The following SYN3 variants were observed in gnomAD, a reference collection of about 807,000 sequenced individuals.
The protein encoded by SYN3 is synapsin-3.
Under a neutral mutation model 65.8 loss-of-function variants are expected in SYN3, and 35 were observed. The ratio of observed to expected loss-of-function variants is 0.53; its 90% CI spans 0.41 to 0.70. The LOEUF (loss-of-function observed/expected upper bound fraction) is 0.70. Ranked by LOEUF, SYN3 falls within the 30% of genes least tolerant of loss-of-function variation. The pLI is 0.00. For missense variants in SYN3, 680 were observed against 749.0 expected, an observed-to-expected ratio of 0.91 and a Z score of 1.08; for synonymous variants, 270 against 292.9, an observed-to-expected ratio of 0.92 and a Z score of 0.80.
At chr22:32,531,364 G>T (rs2058068611) in intron 10 of SYN3, among the ~76,000 whole-genome samples, 1 of 151,744 alleles carries the variant, frequency 6.6e-6, no homozygotes, top group South Asian at 2.1e-4. Context: ...CTCTCCCCCT[G>T]CCCCTGCCAA....
intron 6 of SYN3, among the ~76,000 whole-genome samples, chr22:32,719,893 G>C (rs13058500): frequency 0.21 from 31,979 of 152,074 alleles, 4,292 homozygotes; most frequent in East Asian, 0.6. Flanking sequence ...TATTGAATGA[G>C]GGAAATAGTC....
At chr22:32,534,925 A>G (rs2058138560) in intron 9 of SYN3, among the ~76,000 whole-genome samples, 1 of 152,164 alleles carries the variant, frequency 6.6e-6, no homozygotes, top group East Asian at 1.9e-4. Context: ...CTCCCAGTCC[A>G]GTTTTCTCAT....
chr22:32,538,177 T>C, intron 8 of SYN3, 67 bp from the exon 9 acceptor site: 1 of 1,462,336 alleles, frequency 6.8e-7, no homozygotes, highest in Non-Finnish European at 9.6e-7. Context: ...TTTCCTTCTT[T>C]GCTTTGGCTG....
chr22:32,812,073 C>G (rs2046930567), intron 6 of SYN3, among the ~76,000 whole-genome samples: 1 of 152,158 alleles, frequency 6.6e-6, no homozygotes, highest in Non-Finnish European at 1.5e-5. Flanking sequence ...CTGGAGTCCC[C>G]TTGGTGATAC....
At chr22:32,950,298 A>G (rs2051251372) in intron 3 of SYN3, among the ~76,000 whole-genome samples, 1 of 152,174 alleles carries the variant, frequency 6.6e-6, no homozygotes, top group Non-Finnish European at 1.5e-5. Flanking sequence ...TTCTTACTGC[A>G]TCTCATAAAG....
At chr22:32,693,256 G>A (rs1226245805) in intron 6 of SYN3, among the ~76,000 whole-genome samples, 2 of 152,170 alleles carry the variant, frequency 1.3e-5, no homozygotes, top group Non-Finnish European at 2.9e-5. Flanking sequence ...ATCAAGCCCC[G>A]TGACACCACC....
chr22:32,806,950 G>A (rs1456467720), intron 6 of SYN3, among the ~76,000 whole-genome samples: 3 of 151,952 alleles, frequency 2.0e-5, no homozygotes, highest in Admixed American at 2.0e-4. Context: ...AACATGAATA[G>A]TAGAACATTA....
At chr22:32,711,977 A>C (rs2147251885) in intron 6 of SYN3, among the ~76,000 whole-genome samples, 1 of 152,308 alleles carries the variant, frequency 6.6e-6, no homozygotes. Context: ...GCTTTCCAGC[A>C]CTGACTCTGG....
chr22:32,628,828 C>T (rs149307297), intron 6 of SYN3, among the ~76,000 whole-genome samples: 1,641 of 152,068 alleles, frequency 0.011, 15 homozygotes, highest in Non-Finnish European at 0.018. Context: ...CTGTGCTGGC[C>T]GCTGGTCATG....
chr22:32,543,078 G>C (rs752054479), intron 7 of SYN3, among the ~76,000 whole-genome samples: 6 of 152,118 alleles, frequency 3.9e-5, no homozygotes, highest in Non-Finnish European at 8.8e-5. Flanking sequence ...ACGTCCTTCC[G>C]ATCTTCCTCT....
chr22:32,833,650 A>G (rs1255709818), intron 6 of SYN3, among the ~76,000 whole-genome samples: 1 of 152,204 alleles, frequency 6.6e-6, no homozygotes, highest in African/African-American at 2.4e-5. Context: ...TAGGACCCAG[A>G]GATGAGAAGT....
chr22:32,709,150 C>CG (rs2060921399), intron 6 of SYN3, among the ~76,000 whole-genome samples: 4 of 152,156 alleles, frequency 2.6e-5, no homozygotes, highest in African/African-American at 9.7e-5. Flanking sequence ...GTTCTGTGCC[C>CG]GGGGGAAAAT....
chr22:32,529,427 C>T (rs2058034661), intron 10 of SYN3, among the ~76,000 whole-genome samples: 1 of 152,134 alleles, frequency 6.6e-6, no homozygotes, highest in African/African-American at 2.4e-5. Flanking sequence ...GGGGCTTGAT[C>T]ATGACAAAAA....
intron 6 of SYN3, among the ~76,000 whole-genome samples, chr22:32,736,417 G>A (rs902737465): frequency 5.3e-5 from 8 of 152,176 alleles, no homozygotes; most frequent in Admixed American, 1.3e-4. Flanking sequence ...TGTATCAACA[G>A]TTTGTCCTCT....
chr22:32,814,260 AGAGG>A (rs1299995088), intron 6 of SYN3, among the ~76,000 whole-genome samples: 16 of 137,286 alleles, frequency 1.2e-4, no homozygotes, highest in African/African-American at 3.4e-4. Flanking sequence ...AAAGAAAGAA[AGAGG>A]GAGGGAGGGA....
At chr22:32,558,085 C>T (rs1234068302) in intron 7 of SYN3, among the ~76,000 whole-genome samples, 3 of 152,122 alleles carry the variant, frequency 2.0e-5, no homozygotes, top group Non-Finnish European at 4.4e-5. Context: ...CTTCTCTACC[C>T]AGGGCTTAGC....
chr22:32,809,363 T>TCAGTCTGC (rs1341378980), intron 6 of SYN3, among the ~76,000 whole-genome samples: 7 of 152,200 alleles, frequency 4.6e-5, no homozygotes, highest in Non-Finnish European at 1.0e-4. Context: ...GGGGTCCCCG[T>TCAGTCTGC]CAGTCTGCTT....
chr22:32,527,453 AGCTGGGCGTGGCGGTGT>A lies in SYN3; in HGVS notation c.1318+448_1318+464del, dbSNP rs2057997127. Among the ~76,000 whole-genome samples, 2 of 152,106 alleles carry A rather than the reference AGCTGGGCGTGGCGGTGT, an allele frequency of 1.3e-5. 1 individual carries two copies. Among genetic ancestry groups the A allele is most frequent in the South Asian group, 4.2e-4 (2 of 4,806 alleles). ...CATCTCTACTAATACTACAAAAATT[AGCTGGGCGTGGCGGTGT>A]GCACCTGTAATCCCAGCTACTCAGG... On this transcript the variant is annotated intron_variant, in intron 12 of 13. Coordinates refer to ENST00000358763, the MANE Select transcript of SYN3 (RefSeq NM_003490.4).
chr22:32,638,083 C>T (rs1300828441), intron 6 of SYN3, among the ~76,000 whole-genome samples: 1 of 152,162 alleles, frequency 6.6e-6, no homozygotes, highest in Non-Finnish European at 1.5e-5. Flanking sequence ...GTTTACTGTT[C>T]TGCATTAACT....
Sources: gnomAD v4.1 joint callset for allele counts (sites outside exome capture counted in the v4.1 genomes callset) on GRCh38, gnomAD v4.1.1 for gene constraint, MANE v1.5 for transcripts, NCBI Gene and HGNC (gene_info 2026-07-23, HGNC 2026-07-21) for gene names.